CHST9: variants seen among roughly 807,000 people sequenced by gnomAD.
CHST9 encodes carbohydrate sulfotransferase 9.
CHST9 carries 41 observed loss-of-function variants against 44.4 expected under a neutral mutation model. The observed-to-expected ratio is 0.92, with a 90% confidence interval of 0.72 to 1.20. The LOEUF is 1.20. CHST9 is among the 50% of genes most tolerant of loss of function. The probability of loss-of-function intolerance (pLI) is 0.00; values close to 1 mark genes in which losing one functional copy is unlikely to be tolerated. For synonymous variants in CHST9, 171 were observed against 178.4 expected, an observed-to-expected ratio of 0.96 and a Z score of 0.33; for missense variants, 504 against 516.5, an observed-to-expected ratio of 0.98 and a Z score of 0.23.
chr18:27,018,456 A>T (rs148339646), intron 4 of CHST9, among the ~76,000 whole-genome samples: 2 of 152,148 alleles, frequency 1.3e-5, no homozygotes, highest in Non-Finnish European at 2.9e-5. Context: ...AAAGAAAAAA[A>T]CCCAACAACT....
At chr18:27,088,500 T>C (rs1322795001) in intron 2 of CHST9, among the ~76,000 whole-genome samples, 1 of 151,772 alleles carries the variant, frequency 6.6e-6, no homozygotes, top group African/African-American at 2.4e-5. Context: ...GTTCAAGAGA[T>C]TCTCCTGCCT....
chr18:27,038,919 C>G (rs1011056972), intron 3 of CHST9, among the ~76,000 whole-genome samples: 1 of 151,958 alleles, frequency 6.6e-6, no homozygotes, highest in Non-Finnish European at 1.5e-5. Flanking sequence ...ATTAATTTCC[C>G]CTATTGCATT....
intron 2 of CHST9, among the ~76,000 whole-genome samples, chr18:27,127,471 A>G (rs904415696): frequency 6.6e-6 from 1 of 152,154 alleles, no homozygotes; most frequent in African/African-American, 2.4e-5. Flanking sequence ...GGTTGCGGAG[A>G]AAAGGACCAG....
intron 2 of CHST9, among the ~76,000 whole-genome samples, chr18:27,125,762 A>G (rs1335302592): frequency 6.6e-6 from 1 of 152,202 alleles, no homozygotes; most frequent in African/African-American, 2.4e-5. Flanking sequence ...ATAGCCGTCA[A>G]TGTCACTAAT....
chr18:27,178,362 T>G (rs533111355), intron 1 of CHST9, among the ~76,000 whole-genome samples: 43 of 152,118 alleles, frequency 2.8e-4, no homozygotes, highest in African/African-American at 1.0e-3. Context: ...AAAAGAATAA[T>G]ATATACAATG....
chr18:27,129,593 A>G (rs995322470), intron 2 of CHST9, among the ~76,000 whole-genome samples: 5 of 151,972 alleles, frequency 3.3e-5, no homozygotes, highest in African/African-American at 1.2e-4. Flanking sequence ...GAGTTTCACC[A>G]TGTTGCCCAG....
intron 3 of CHST9, among the ~76,000 whole-genome samples, chr18:27,032,703 C>T (rs1421975415): frequency 5.3e-5 from 8 of 152,318 alleles, no homozygotes; most frequent in Middle Eastern, 3.4e-3. Flanking sequence ...GTGAGCATAC[C>T]ACCAGGTAGA....
chr18:27,170,673 A>G (rs2143956319), intron 1 of CHST9, among the ~76,000 whole-genome samples: 1 of 152,336 alleles, frequency 6.6e-6, no homozygotes, highest in African/African-American at 2.4e-5. Context: ...GCTATTGATG[A>G]AGTAAAGGCT....
At chr18:27,062,652 T>G (rs1280994094) in intron 2 of CHST9, among the ~76,000 whole-genome samples, 1 of 152,288 alleles carries the variant, frequency 6.6e-6, no homozygotes, top group East Asian at 1.9e-4. Context: ...GCAGCATGAT[T>G]TATAATCCTT....
intron 4 of CHST9, among the ~76,000 whole-genome samples, chr18:26,955,087 G>A (rs2056303055): frequency 6.6e-6 from 1 of 151,982 alleles, no homozygotes. Flanking sequence ...ATGATATTAG[G>A]GCCTGAGTTT....
chr18:27,019,525 T>C (rs2057195026), intron 4 of CHST9, among the ~76,000 whole-genome samples: 1 of 151,876 alleles, frequency 6.6e-6, no homozygotes, highest in Admixed American at 6.6e-5. Context: ...TTCCTGTAAA[T>C]GGAGGCCTAG....
chr18:26,976,832 A>C (rs1478253509), intron 4 of CHST9, among the ~76,000 whole-genome samples: 4 of 152,112 alleles, frequency 2.6e-5, no homozygotes, highest in African/African-American at 9.6e-5. Flanking sequence ...TGTGATCTGA[A>C]GGTCCTCAGA....
At chr18:26,991,616 A>G (rs375523829) in intron 4 of CHST9, among the ~76,000 whole-genome samples, 82 of 152,292 alleles carry the variant, frequency 5.4e-4, no homozygotes, top group African/African-American at 1.9e-3. Context: ...AGCTACCTCA[A>G]TGTTAGAAAA....
intron 2 of CHST9, among the ~76,000 whole-genome samples, chr18:27,108,797 C>T (rs2058244510): frequency 6.6e-6 from 1 of 152,128 alleles, no homozygotes. Flanking sequence ...TACACTTAGT[C>T]TTTCATATTG....
intron 4 of CHST9, among the ~76,000 whole-genome samples, chr18:26,959,664 T>C (rs980317298): frequency 3.9e-5 from 6 of 152,166 alleles, no homozygotes; most frequent in African/African-American, 1.4e-4. Context: ...CAGTAAATGG[T>C]TGCACTGAAC....
chr18:27,141,219 G>A (rs971849569), intron 2 of CHST9, among the ~76,000 whole-genome samples: 1 of 152,112 alleles, frequency 6.6e-6, no homozygotes, highest in Non-Finnish European at 1.5e-5. Flanking sequence ...AAAGAAATTA[G>A]CCGGGCGTGG....
At chr18:27,147,902 C>A (rs1420645763) in intron 1 of CHST9, 1 of 148,020 alleles carries the variant, frequency 6.8e-6, no homozygotes. Flanking sequence ...GGATATAAAT[C>A]CAGATTTGTT....
intron 4 of CHST9, among the ~76,000 whole-genome samples, chr18:26,964,212 A>C (rs986054372): frequency 6.6e-6 from 1 of 152,210 alleles, no homozygotes; most frequent in Admixed American, 6.5e-5. Flanking sequence ...TATTGCTCAT[A>C]TCTAACTTAG....
chr18:27,147,501 C>T (rs2058622687), intron 1 of CHST9, among the ~76,000 whole-genome samples: 1 of 152,116 alleles, frequency 6.6e-6, no homozygotes, highest in Non-Finnish European at 1.5e-5. Context: ...TGGTAGCCCA[C>T]TCTTTCTCCC....
Sources: gnomAD v4.1 joint callset for allele counts (sites outside exome capture counted in the v4.1 genomes callset) on GRCh38, gnomAD v4.1.1 for gene constraint, MANE v1.5 for transcripts, NCBI Gene and HGNC (gene_info 2026-07-23, HGNC 2026-07-21) for gene names.